Variants in LTBP3 observed in about 807,000 individuals in gnomAD.
LTBP3 encodes latent-transforming growth factor beta-binding protein 3.
LTBP3 carries 97 observed loss-of-function variants against 159.7 expected under a neutral mutation model. The ratio of observed to expected loss-of-function variants is 0.61; its 90% CI spans 0.52 to 0.72. The LOEUF is 0.72. LTBP3 is among the 30% of genes least tolerant of loss of function. The pLI, the probability that LTBP3 is intolerant of heterozygous loss-of-function variation, is 0.00. For synonymous variants in LTBP3, 824 were observed against 777.1 expected, an observed-to-expected ratio of 1.06 and a Z score of -1.00; for missense variants, 1,584 against 1,864.3, an observed-to-expected ratio of 0.85 and a Z score of 2.77.
Position 65,539,723 on chromosome 11 carries a change from C to T in LTBP3, c.3544G>A (p.Ala1182Thr). ...AQCRPCPPRG[A>T]GSHCPTSQSE... ...AACTCCTCCCCGACTGCCTTACCCG[C>T]GCCGCGCGGCGGGCACGGTCGGCAT... The change falls in exon 25 of 28, where the codon GCG becomes ACG. Residue 1182 changes from alanine (A) to threonine (T), a missense_variant. This residue lies in a region of LTBP3 where 514 missense variants were observed against 530.3 expected (regional missense o/e 0.97). Transcript: ENST00000301873. The T allele has an allele frequency of 3.2e-6, 5 of 1,549,032 alleles. No individual in the cohort carries two copies. The highest frequency in any genetic ancestry group is 2.4e-5 in the East Asian group (1 of 41,604).
Position 65,538,898 on chromosome 11 carries a change from C to A in LTBP3, c.*182G>T, listed in dbSNP as rs2135113146. The stretch of plus-strand genomic sequence containing the variant: ...CAGGCAGCGCCCGCCGGAGACCTTA[C>A]AACCGCCCGCTAACCGGGGAGGGGG... On this transcript the variant is annotated 3_prime_UTR_variant, in exon 28 of 28. Coordinates refer to ENST00000301873, the MANE Select transcript of LTBP3 (RefSeq NM_001130144.3). 1 of 1,212,728 alleles carries A rather than the reference C, an allele frequency of 8.2e-7. No homozygotes were observed. The highest frequency in any genetic ancestry group is 1.1e-6 in the Non-Finnish European group (1 of 937,696). The allele number at this position is 1,212,728 out of a possible 1,614,324, so 75.1% of individuals were successfully genotyped here. A position where few individuals can be genotyped will look rare whatever the true frequency, so the allele number is the denominator to read the frequency against.
rs1856406075 is a variant in LTBP3 at position 65,547,111 on chromosome 11, G to A, written c.2108-191C>T. ...GGCTGTAATCCCAGCACTTTGGGAG[G>A]CCGAGGCGGGTGGATCACCTGAGGT... On this transcript the variant is annotated intron_variant, in intron 14 of 27. Transcript: ENST00000301873. This position sits in a 1 kb window ranked among gnomAD's most constrained non-coding sequence, Gnocchi z 4.6. 6.6e-6 allele frequency among the ~76,000 whole-genome samples: 1 copy of A among 152,228 alleles called. No individual in the cohort carries two copies. Among genetic ancestry groups the A allele is most frequent in the Non-Finnish European group, 1.5e-5 (1 of 68,038 alleles).
rs1345416109 is a variant in LTBP3 at position 65,540,392 on chromosome 11, G to A, written c.3107-10C>T. The stretch of plus-strand genomic sequence containing the variant: ...AGGCACTCGTCCACGTCTGCAGGGA[G>A]GAAAAGCGTGGGTAGCAGGGGCAGG... On this transcript the variant is annotated splice_polypyrimidine_tract_variant and intron_variant, in intron 22 of 27. Transcript: ENST00000301873. 3.1e-6 allele frequency: 5 copies of A among 1,603,162 alleles called. No homozygotes were observed. In the East Asian group the frequency reaches 1.1e-4, roughly 36 times the overall value.
In LTBP3 at chr11:65,553,336, G is replaced by A. The variant is rs1856680424; in HGVS notation, c.971-80C>T. 1 of 1,339,154 alleles carries A rather than the reference G, an allele frequency of 7.5e-7. No homozygotes were observed. Among genetic ancestry groups the A allele is most frequent in the African/African-American group, 1.5e-5 (1 of 68,290 alleles). The allele number at this position is 1,339,154 out of a possible 1,614,324, so 83.0% of individuals were successfully genotyped here. On this transcript the variant is annotated intron_variant, in intron 4 of 27. Transcript: ENST00000301873. This position sits in a 1 kb window ranked among gnomAD's most constrained non-coding sequence, Gnocchi z 6.5. ...CACAGCAGATGTAGAGAGGAATCTG[G>A]TGACCTGGGGACTCCCACTGCAGGG...
At chr11:65,545,615 C>T (rs775770963) in intron 16 of LTBP3, 12 of 230,300 alleles carry the variant, frequency 5.2e-5, no homozygotes, top group Non-Finnish European at 6.9e-5. Flanking sequence ...ATCATCGTCT[C>T]ATGGCCATCC....
In LTBP3 at chr11:65,541,701, C is replaced by T; in HGVS notation, c.2624G>A (p.Ser875Asn). ...GCAGGCCCCATGGGGAAGGCACAGGCTCGGGTCCTGGCTGCACTCATCTAT... is the reference window on the plus strand; with the variant it reads ...GCAGGCCCCATGGGGAAGGCACAGGTTCGGGTCCTGGCTGCACTCATCTAT... The part of the protein sequence containing the change: ...QDIDECSQDP[S>N]LCLPHGACKN... The change falls in exon 19 of 28, where the codon AGC becomes AAC. Residue 875 changes from serine to asparagine, a missense_variant. This residue lies in a region of LTBP3 where 565 missense variants were observed against 677.7 expected (regional missense o/e 0.83). Coordinates refer to ENST00000301873, the MANE Select transcript of LTBP3 (RefSeq NM_001130144.3). 3 of 1,614,150 alleles carry T rather than the reference C, an allele frequency of 1.9e-6. No homozygotes were observed. Among genetic ancestry groups the T allele is most frequent in the East Asian group, 2.2e-5 (1 of 44,886 alleles).
chr11:65,553,346 G>T lies in LTBP3; in HGVS notation c.970+79C>A. 1 of 693,300 alleles carries T rather than the reference G, an allele frequency of 1.4e-6. No individual in the cohort carries two copies. Among genetic ancestry groups the T allele is most frequent in the Non-Finnish European group, 2.3e-6 (1 of 440,042 alleles). The allele number at this position is 693,300 out of a possible 1,614,324, so 42.9% of individuals were successfully genotyped here. A position where few individuals can be genotyped will look rare whatever the true frequency, so the allele number is the denominator to read the frequency against. ...GTAGAGAGGAATCTGGTGACCTGGG[G>T]ACTCCCACTGCAGGGATGGGTGGGG... On this transcript the variant is annotated intron_variant, in intron 4 of 27. Transcript: ENST00000301873. This position sits in a 1 kb window ranked among gnomAD's most constrained non-coding sequence, Gnocchi z 6.5.
chr11:65,546,370 C>G lies in LTBP3; in HGVS notation c.2353+72G>C, dbSNP rs775584369. The stretch of plus-strand genomic sequence containing the variant: ...CCACCTTCCACCCACTGTTTACAGA[C>G]AGCGTGACCCGCTCCCCGGCTTCAG... On this transcript the variant is annotated intron_variant, in intron 16 of 27. Transcript: ENST00000301873. The surrounding 1 kb of genome is among the most constrained non-coding windows in gnomAD (Gnocchi z 4.0). 3.4e-6 allele frequency: 5 copies of G among 1,468,862 alleles called. No homozygotes were observed. The highest frequency in any genetic ancestry group is 1.4e-5 in the African/African-American group (1 of 70,446). 91.0% of individuals were successfully genotyped at this position (1,468,862 alleles called of 1,614,324 possible). A position where few individuals can be genotyped will look rare whatever the true frequency, so the allele number is the denominator to read the frequency against.
At position 65,552,201 on chromosome 11, in the gene LTBP3, A is replaced by T; in HGVS notation, c.1346-44T>A. On this transcript the variant is annotated intron_variant, in intron 7 of 27. Transcript: ENST00000301873. The surrounding 1 kb of genome is among the most constrained non-coding windows in gnomAD (Gnocchi z 6.0). ...ACACAAAAGTGAGCATTTCCTGGAC[A>T]GGTGCATGGACCTATGAACCCCTAT... The T allele has an allele frequency of 1.2e-6, 2 of 1,614,164 alleles. No individual in the cohort carries two copies. Among genetic ancestry groups the T allele is most frequent in the Non-Finnish European group, 1.7e-6 (2 of 1,180,000 alleles).
chr11:65,546,404 G>A lies in LTBP3; in HGVS notation c.2353+38C>T. 3 of 1,510,940 alleles carry A rather than the reference G, an allele frequency of 2.0e-6. No homozygotes were observed. The highest frequency in any genetic ancestry group is 1.8e-6 in the Non-Finnish European group (2 of 1,135,400). The allele number at this position is 1,510,940 out of a possible 1,614,324, so 93.6% of individuals were successfully genotyped here. Reference sequence around the variant, plus strand: ...CCGCTCCCCGGCTTCAGCGCGTAGGGGGCGGCGGAGGCCCGGGGCGGGGGT... The same window carrying A: ...CCGCTCCCCGGCTTCAGCGCGTAGGAGGCGGCGGAGGCCCGGGGCGGGGGT... On this transcript the variant is annotated intron_variant, in intron 16 of 27. Transcript: ENST00000301873. The surrounding 1 kb of genome is among the most constrained non-coding windows in gnomAD (Gnocchi z 4.0).
chr11:65,549,377 A>G (rs2135146429), intron 11 of LTBP3, among the ~76,000 whole-genome samples: 1 of 150,976 alleles, frequency 6.6e-6, no homozygotes, highest in African/African-American at 2.4e-5. Flanking sequence ...CCCAACCTGA[A>G]TGCCCCTCCC....
At position 65,552,023 on chromosome 11, in the gene LTBP3, G is replaced by A. The variant is rs775419010; in HGVS notation, c.1480C>T (p.Pro494Ser). ...GGTGGAGCCTGGCTAGGGCTCTCCG[G>A]AAGCTGCTGGGGCTTGGGTGGCCCG... ...PDGPPKPQQLPESPSQAPPPE... is the reference protein window; with the variant it reads ...PDGPPKPQQLSESPSQAPPPE... Residue 494 changes from proline to serine, a missense_variant, in exon 8 of 28, where the codon CCG (proline) becomes TCG (serine). Pro to Ser is a moderately conservative substitution (Grantham distance 74). Coordinates refer to ENST00000301873, the MANE Select transcript of LTBP3 (RefSeq NM_001130144.3). This position sits in a 1 kb window ranked among gnomAD's most constrained non-coding sequence, Gnocchi z 6.0. 3.1e-6 allele frequency: 5 copies of A among 1,613,964 alleles called. No individual in the cohort carries two copies. The highest frequency in any genetic ancestry group is 1.7e-6 in the Non-Finnish European group (2 of 1,180,008).
chr11:65,546,732 C>CCCCCGGGCCCCAAA lies in LTBP3; in HGVS notation c.2230+65_2230+66insTTTGGGGCCCGGGG. On this transcript the variant is annotated intron_variant, in intron 15 of 27. Coordinates refer to ENST00000301873, the MANE Select transcript of LTBP3 (RefSeq NM_001130144.3). The surrounding 1 kb of genome is among the most constrained non-coding windows in gnomAD (Gnocchi z 4.0). The stretch of plus-strand genomic sequence containing the variant: ...CACCACCGCTACCCCGCCCCGCCCC[C>CCCCCGGGCCCCAAA]AGCGGAGCCAGACTGGGGGAGGCAC... 1 of 1,542,330 alleles carries CCCCCGGGCCCCAAA rather than the reference C, an allele frequency of 6.5e-7. No homozygotes were observed. The highest frequency in any genetic ancestry group is 8.7e-7 in the Non-Finnish European group (1 of 1,143,054).
In LTBP3 at chr11:65,539,448, A is replaced by C; in HGVS notation, c.3640T>G (p.Ser1214Ala). 1 of 1,562,654 alleles carries C rather than the reference A, an allele frequency of 6.4e-7. No individual in the cohort carries two copies. Among genetic ancestry groups the C allele is most frequent in the Non-Finnish European group, 8.7e-7 (1 of 1,153,490 alleles). Residue 1214 changes from serine (S) to alanine (A), a missense_variant, in exon 27 of 28, where the codon TCA (serine) becomes GCA (alanine). Coordinates refer to ENST00000301873, the MANE Select transcript of LTBP3 (RefSeq NM_001130144.3). ...LGKPPRDEDSSEEDSDECRCV... is the reference protein window; with the variant it reads ...LGKPPRDEDSAEEDSDECRCV... ...CGACACTCGTCTGAATCCTCCTCTG[A>C]ACTGTCCTCATCTGCGTGGCCCGGA...
chr11:65,551,101 G>A (rs1171583221), intron 11 of LTBP3, 25 bp downstream of exon 11: 1 of 1,542,926 alleles, frequency 6.5e-7, no homozygotes, highest in South Asian at 1.2e-5. Context: ...CCTAGGCAGG[G>A]GTGGCTTTGC....
intron 1 of LTBP3, among the ~76,000 whole-genome samples, chr11:65,555,963 G>A (rs1856795176): frequency 6.6e-6 from 1 of 152,200 alleles, no homozygotes; most frequent in Non-Finnish European, 1.5e-5. Context: ...CAGAGCAGAG[G>A]GGTGTGTCCT....
rs528861640 is a variant in LTBP3, at chr11:65,547,875, T to TC, written c.1846+44dup. The TC allele has an allele frequency of 7.5e-4, 1,216 of 1,610,702 alleles. 5 individuals are homozygous for TC. The highest frequency in any genetic ancestry group is 6.4e-3 in the Middle Eastern group (39 of 6,060). ...TCAAAGGAAGCGTCGTTATCTGGGGTCCCCCCCCACCCACCTGCATGCCCG... is the reference window on the plus strand; with the variant it reads ...TCAAAGGAAGCGTCGTTATCTGGGGTCCCCCCCCCACCCACCTGCATGCCCG... On this transcript the variant is annotated intron_variant, in intron 12 of 27. Coordinates refer to ENST00000301873, the MANE Select transcript of LTBP3 (RefSeq NM_001130144.3). This position sits in a 1 kb window ranked among gnomAD's most constrained non-coding sequence, Gnocchi z 4.6.
In LTBP3 at chr11:65,543,562, G is replaced by A; in HGVS notation, c.2354-13C>T. ...CACTCGTCCACATCTGCAGGGCATAGGGGGTGTCAGAGGACCAGGCTGGGT... is the reference window on the plus strand; with the variant it reads ...CACTCGTCCACATCTGCAGGGCATAAGGGGTGTCAGAGGACCAGGCTGGGT... On this transcript the variant is annotated splice_polypyrimidine_tract_variant and intron_variant, in intron 16 of 27. Transcript: ENST00000301873. 1 of 1,614,004 alleles carries A rather than the reference G, an allele frequency of 6.2e-7. No individual in the cohort carries two copies. Among genetic ancestry groups the A allele is most frequent in the Non-Finnish European group, 8.5e-7 (1 of 1,179,930 alleles).
At chr11:65,556,917 T>C (rs1341497933) in intron 1 of LTBP3, among the ~76,000 whole-genome samples, 2 of 139,568 alleles carry the variant, frequency 1.4e-5, no homozygotes, top group African/African-American at 2.7e-5. Flanking sequence ...TAAAGAGAGA[T>C]GCTGGGGAGG....
Sources: gnomAD v4.1 joint callset for allele counts (sites outside exome capture counted in the v4.1 genomes callset) on GRCh38, gnomAD v4.1.1 for gene constraint, gnomAD v4.1.1 regional missense constraint, Gnocchi (gnomAD v3.1) non-coding constraint, MANE v1.5 for transcripts, NCBI Gene and HGNC (gene_info 2026-07-23, HGNC 2026-07-21) for gene names.